Variants in BTAF1 observed in about 807,000 individuals in gnomAD.
The protein encoded by BTAF1 is B-TFIID TATA-box binding protein associated factor 1.
BTAF1 carries 38 observed loss-of-function variants against 227.1 expected under a neutral mutation model. That is an observed-to-expected ratio of 0.17 (90% CI 0.13 to 0.22). The LOEUF is 0.22. Ranked by LOEUF, BTAF1 falls within the 10% of genes least tolerant of loss-of-function variation. The pLI is 1.00. For missense variants in BTAF1, 1,598 were observed against 2,204.0 expected (o/e 0.73, Z 5.51); for synonymous variants, 742 against 751.9 (o/e 0.99, Z 0.21).
chr10:91,967,804 T>G (rs945415481), intron 14 of BTAF1, among the ~76,000 whole-genome samples: 1 of 152,240 alleles, frequency 6.6e-6, no homozygotes, highest in East Asian at 1.9e-4. Flanking sequence ...TTGTGAATTC[T>G]TAAATTCATT....
At chr10:91,960,776 GT>G (rs1846456785) in intron 11 of BTAF1, among the ~76,000 whole-genome samples, 1 of 152,078 alleles carries the variant, frequency 6.6e-6, no homozygotes, top group South Asian at 2.1e-4. Flanking sequence ...AGTGTTTAGT[GT>G]AATGTTATAC....
chr10:91,981,837 T>C, intron 16 of BTAF1, 45 bp downstream of exon 16: 3 of 1,561,796 alleles, frequency 1.9e-6, no homozygotes, highest in Non-Finnish European at 2.6e-6. Context: ...CATCATCTAA[T>C]TATTAATACA....
chr10:91,990,235 A>G (rs745610999), intron 20 of BTAF1, among the ~76,000 whole-genome samples: 10 of 152,224 alleles, frequency 6.6e-5, no homozygotes, highest in Non-Finnish European at 1.3e-4. Flanking sequence ...TAGTAGACTT[A>G]CAGCTTTGGT....
intron 14 of BTAF1, among the ~76,000 whole-genome samples, chr10:91,967,441 A>T (rs1241494202): frequency 6.6e-6 from 1 of 152,210 alleles, no homozygotes; most frequent in Non-Finnish European, 1.5e-5. Flanking sequence ...TCTAGTGTGC[A>T]GTTAATAGGT....
chr10:92,008,394 G>C, intron 26 of BTAF1, 119 bp downstream of exon 26: 1 of 983,480 alleles, frequency 1.0e-6, no homozygotes, highest in African/African-American at 1.7e-5. Context: ...CCCAGGCTGG[G>C]GTGCAGTGGC....
chr10:92,020,712 C>CT (rs1851064284), intron 34 of BTAF1, among the ~76,000 whole-genome samples: 1 of 152,148 alleles, frequency 6.6e-6, no homozygotes, highest in African/African-American at 2.4e-5. Context: ...CCAAACCTTG[C>CT]TGTAGGTCTT....
intron 26 of BTAF1, 104 bp downstream of exon 26, chr10:92,008,379 T>G (rs1439418688): frequency 8.7e-7 from 1 of 1,155,648 alleles, no homozygotes; most frequent in African/African-American, 1.6e-5. Context: ...AGTCTTGCTC[T>G]GTTGCCCAGG....
At chr10:91,981,567 G>A (rs1291975176) in intron 15 of BTAF1, 76 bp from the exon 16 acceptor site, 2 of 1,416,388 alleles carry the variant, frequency 1.4e-6, no homozygotes, top group African/African-American at 1.4e-5. Flanking sequence ...AAAAACCTCA[G>A]TATTCCTAAA....
intron 14 of BTAF1, among the ~76,000 whole-genome samples, chr10:91,978,638 T>G (rs567042553): frequency 1.2e-4 from 18 of 152,170 alleles, no homozygotes; most frequent in African/African-American, 4.3e-4. Context: ...AAAAACACTG[T>G]ATTTAGTGCT....
At chr10:91,989,812 T>C (rs1034908756) in intron 20 of BTAF1, among the ~76,000 whole-genome samples, 2 of 152,230 alleles carry the variant, frequency 1.3e-5, no homozygotes, top group Admixed American at 6.5e-5. Context: ...TGATAGCTGA[T>C]ATAAGGTGAC....
chr10:92,018,974 C>G (rs751065252), intron 34 of BTAF1, 39 bp downstream of exon 34: 5 of 1,397,172 alleles, frequency 3.6e-6, no homozygotes, highest in Non-Finnish European at 1.9e-6. Context: ...GTGTTGTACC[C>G]CAGGAATATA....
chr10:91,973,346 A>AG (rs1847442835), intron 14 of BTAF1, among the ~76,000 whole-genome samples: 1 of 152,234 alleles, frequency 6.6e-6, no homozygotes, highest in Non-Finnish European at 1.5e-5. Context: ...ACATGGATCA[A>AG]GTGAGATAAT....
At chr10:91,958,487 A>G (rs769904320) in intron 8 of BTAF1, among the ~76,000 whole-genome samples, 1 of 152,066 alleles carries the variant, frequency 6.6e-6, no homozygotes, top group Non-Finnish European at 1.5e-5. Flanking sequence ...AGATCGCTTC[A>G]GGTCAGGAGT....
At chr10:91,955,157 C>T (rs1164219102) in intron 6 of BTAF1, among the ~76,000 whole-genome samples, 1 of 152,172 alleles carries the variant, frequency 6.6e-6, no homozygotes, top group African/African-American at 2.4e-5. Flanking sequence ...TAAAAGTTAA[C>T]AGCTCATTAA....
rs5786980 is a variant in BTAF1, at chr10:91,959,718, A to ATGTG, written c.991-47_991-44dup. Reference sequence around the variant, plus strand: ...TTTTTAAAAAAATTATGTTAAAAAAATGTGTGTGTGTGTGTGTGTGTGTAT... The same window carrying ATGTG: ...TTTTTAAAAAAATTATGTTAAAAAAATGTGTGTGTGTGTGTGTGTGTGTGTGTAT... On this transcript the variant is annotated intron_variant, in intron 9 of 37. Transcript: ENST00000265990. 0.072 allele frequency: 24,529 copies of ATGTG among 338,748 alleles called. 1,768 individuals carry two copies. Among genetic ancestry groups the ATGTG allele is most frequent in the Admixed American group, 0.1 (1,685 of 16,728 alleles). 21.0% of individuals were successfully genotyped at this position (338,748 alleles called of 1,614,324 possible). A position where few individuals can be genotyped will look rare whatever the true frequency, so the allele number is the denominator to read the frequency against.
At chr10:91,956,504 T>C in intron 6 of BTAF1, 24 bp from the exon 7 acceptor site, 1 of 1,585,824 alleles carries the variant, frequency 6.3e-7, no homozygotes, top group Non-Finnish European at 8.5e-7. Context: ...ATTCATTTTC[T>C]AAATGGTGAC....
chr10:92,011,434 T>C lies in BTAF1; in HGVS notation c.4311+19T>C. ...AATCCAGGTAATTATTTATTATTATTTTTTTTAATTATTTTTATTTTTATT... is the reference window on the plus strand; with the variant it reads ...AATCCAGGTAATTATTTATTATTATCTTTTTTAATTATTTTTATTTTTATT... On this transcript the variant is annotated intron_variant, in intron 30 of 37. Coordinates refer to ENST00000265990, the MANE Select transcript of BTAF1 (RefSeq NM_003972.3). 1 of 1,138,156 alleles carries C rather than the reference T, an allele frequency of 8.8e-7. No individual in the cohort carries two copies. Among genetic ancestry groups the C allele is most frequent in the Non-Finnish European group, 1.1e-6 (1 of 874,736 alleles). 70.5% of individuals were successfully genotyped at this position (1,138,156 alleles called of 1,614,324 possible).
intron 4 of BTAF1, among the ~76,000 whole-genome samples, chr10:91,950,048 A>G (rs1452406633): frequency 6.6e-6 from 1 of 150,404 alleles, no homozygotes; most frequent in Non-Finnish European, 1.5e-5. Flanking sequence ...AGGCTGAGGC[A>G]GGAGGACTCC....
At chr10:91,973,490 GATA>G (rs746020924) in intron 14 of BTAF1, among the ~76,000 whole-genome samples, 4 of 152,038 alleles carry the variant, frequency 2.6e-5, no homozygotes, top group Non-Finnish European at 4.4e-5. Flanking sequence ...ATTTAATTGT[GATA>G]ATAATAATCT....
Sources: gnomAD v4.1 joint callset for allele counts (sites outside exome capture counted in the v4.1 genomes callset) on GRCh38, gnomAD v4.1.1 for gene constraint, MANE v1.5 for transcripts, NCBI Gene and HGNC (gene_info 2026-07-23, HGNC 2026-07-21) for gene names.